Variants in ZFHX3 observed in about 807,000 individuals in gnomAD.
ZFHX3 encodes zinc finger homeobox 3.
Under a neutral mutation model 279.1 loss-of-function variants are expected in ZFHX3, and 42 were observed. The ratio of observed to expected loss-of-function variants is 0.15; its 90% CI spans 0.12 to 0.19. The LOEUF is 0.19. Ranked by LOEUF, ZFHX3 falls within the 10% of genes least tolerant of loss-of-function variation. ZFHX3 has a pLI of 1.00. For missense variants in ZFHX3, 4,981 were observed against 4,754.0 expected (o/e 1.05, Z -1.40); for synonymous variants, 2,293 against 1,957.8 (o/e 1.17, Z -4.52).
chr16:73,674,485 G>A (rs1439144718), intron 2 of ZFHX3, among the ~76,000 whole-genome samples: 1 of 152,222 alleles, frequency 6.6e-6, no homozygotes, highest in Non-Finnish European at 1.5e-5. Context: ...GGGCAACACA[G>A]TCAAGAATAG....
At chr16:73,823,016 A>G (rs1960792218) in intron 1 of ZFHX3, among the ~76,000 whole-genome samples, 1 of 152,240 alleles carries the variant, frequency 6.6e-6, no homozygotes, top group African/African-American at 2.4e-5. Context: ...AGGATGTAAC[A>G]GTAAGCACGT....
chr16:73,417,342 A>G (rs1200697873), intron 3 of ZFHX3, among the ~76,000 whole-genome samples: 1 of 151,526 alleles, frequency 6.6e-6, no homozygotes, highest in Non-Finnish European at 1.5e-5. Flanking sequence ...AATACAATCT[A>G]TACTTTGGTA....
At chr16:73,111,220 C>T (rs541298335) in intron 7 of ZFHX3, among the ~76,000 whole-genome samples, 38 of 152,290 alleles carry the variant, frequency 2.5e-4, no homozygotes, top group Middle Eastern at 3.4e-3. Context: ...GGATTACAGG[C>T]GTGAGCCACT....
At chr16:73,570,492 T>A (rs1427334160) in intron 2 of ZFHX3, among the ~76,000 whole-genome samples, 1 of 152,180 alleles carries the variant, frequency 6.6e-6, no homozygotes, top group Non-Finnish European at 1.5e-5. Context: ...TTCCATCTCA[T>A]CAAATGAATG....
chr16:73,134,747 C>T (rs1966759838), intron 6 of ZFHX3: 1 of 152,010 alleles, frequency 6.6e-6, no homozygotes, highest in African/African-American at 2.4e-5. Flanking sequence ...GATTATCCTT[C>T]TCCCATCTCA....
chr16:73,809,702 C>T (rs1162491429), intron 1 of ZFHX3: 1 of 152,226 alleles, frequency 6.6e-6, no homozygotes, highest in Non-Finnish European at 1.5e-5. Flanking sequence ...GGCTGCTGAA[C>T]ATGCATGGAA....
At chr16:73,478,375 C>A (rs1266624098) in intron 2 of ZFHX3, among the ~76,000 whole-genome samples, 1 of 151,788 alleles carries the variant, frequency 6.6e-6, no homozygotes, top group Non-Finnish European at 1.5e-5. Context: ...GCTCTACCAA[C>A]TGAGCTATCC....
intron 5 of ZFHX3, among the ~76,000 whole-genome samples, chr16:72,815,199 G>A (rs1172202135): frequency 7.2e-5 from 11 of 152,136 alleles, no homozygotes; most frequent in South Asian, 6.2e-4. Context: ...CTTGAGCCCA[G>A]GAGTTCAAGA....
intron 3 of ZFHX3, among the ~76,000 whole-genome samples, chr16:73,378,985 T>G (rs1405490654): frequency 2.0e-5 from 3 of 152,166 alleles, no homozygotes; most frequent in Non-Finnish European, 4.4e-5. Context: ...AAGAAGACAG[T>G]ACACCTTGAG....
chr16:73,789,593 T>C (rs1248771581), intron 1 of ZFHX3, among the ~76,000 whole-genome samples: 2 of 152,228 alleles, frequency 1.3e-5, no homozygotes, highest in African/African-American at 2.4e-5. Context: ...AATATTATTA[T>C]TATTTTTACC....
intron 3 of ZFHX3, among the ~76,000 whole-genome samples, chr16:73,432,371 A>T (rs1291498272): frequency 6.6e-6 from 1 of 152,170 alleles, no homozygotes; most frequent in East Asian, 1.9e-4. Context: ...TAGACTGGAT[A>T]TTGAAACAGA....
At chr16:73,835,096 G>C (rs1426777294) in intron 1 of ZFHX3, among the ~76,000 whole-genome samples, 1 of 152,150 alleles carries the variant, frequency 6.6e-6, no homozygotes, top group Non-Finnish European at 1.5e-5. Context: ...GACTCCCCCA[G>C]CTACCAAAAA....
intron 5 of ZFHX3, among the ~76,000 whole-genome samples, chr16:72,824,616 G>C (rs536769136): frequency 6.6e-6 from 1 of 152,184 alleles, no homozygotes; most frequent in Admixed American, 6.5e-5. Flanking sequence ...ACCTTAACTA[G>C]ACTCAGCCTG....
At chr16:73,785,647 C>T (rs1959620498) in intron 1 of ZFHX3, among the ~76,000 whole-genome samples, 2 of 152,046 alleles carry the variant, frequency 1.3e-5, no homozygotes, top group South Asian at 4.2e-4. Flanking sequence ...AGGGTAAATC[C>T]TACCCTCATG....
chr16:73,045,330 G>A lies in ZFHX3; in HGVS notation c.-50+2422C>T, dbSNP rs1262435568. ...GGGTCACCAAAGATGAGCCAGGCCG[G>A]TCCTGGGAGTGTCTAGCAAGCATCA... On this transcript the variant is annotated intron_variant, in intron 1 of 9. Transcript: ENST00000268489. 2.6e-5 allele frequency among the ~76,000 whole-genome samples: 4 copies of A among 152,206 alleles called. No individual in the cohort carries two copies. The East Asian group carries it at 7.7e-4, about 29-fold the overall frequency.
intron 1 of ZFHX3, among the ~76,000 whole-genome samples, chr16:73,704,099 T>C (rs961909251): frequency 6.6e-6 from 1 of 152,146 alleles, no homozygotes. Context: ...TCAGACAAGA[T>C]TGGGCACGTT....
chr16:73,531,569 G>T (rs763074407), intron 2 of ZFHX3, among the ~76,000 whole-genome samples: 3 of 151,136 alleles, frequency 2.0e-5, no homozygotes, highest in Non-Finnish European at 4.4e-5. Context: ...TCAAAAGTTA[G>T]CTGGGTATGG....
chr16:73,194,679 G>GT (rs1208995276), intron 5 of ZFHX3, among the ~76,000 whole-genome samples: 10 of 152,324 alleles, frequency 6.6e-5, no homozygotes, highest in African/African-American at 2.2e-4. Context: ...TTTTTCTTGA[G>GT]TGGTATGCCT....
chr16:73,632,505 G>A (rs2052484087), intron 2 of ZFHX3, among the ~76,000 whole-genome samples: 1 of 151,564 alleles, frequency 6.6e-6, no homozygotes, highest in African/African-American at 2.4e-5. Context: ...GGCCAACATG[G>A]TGAAACCCCA....
Sources: allele counts gnomAD v4.1 joint callset (sites outside exome capture counted in the v4.1 genomes callset), GRCh38; gene constraint gnomAD v4.1.1; transcripts MANE v1.5; gene names NCBI Gene and HGNC (gene_info 2026-07-23, HGNC 2026-07-21).